The following NAALADL2 variants were observed in gnomAD, a reference collection of about 807,000 sequenced individuals.
The protein encoded by NAALADL2 is inactive N-acetylated-alpha-linked acidic dipeptidase-like protein 2.
Under a neutral mutation model 87.2 loss-of-function variants are expected in NAALADL2, and 76 were observed. That is an observed-to-expected ratio of 0.87 (90% CI 0.72 to 1.05). The LOEUF is 1.05. Ranked by LOEUF, NAALADL2 falls within the 50% of genes least tolerant of loss-of-function variation. The pLI, the probability that NAALADL2 is intolerant of heterozygous loss-of-function variation, is 0.00. For missense variants in NAALADL2, 1,089 were observed against 945.8 expected, an observed-to-expected ratio of 1.15 and a Z score of -1.99; for synonymous variants, 354 against 331.0, an observed-to-expected ratio of 1.07 and a Z score of -0.75.
chr3:174,446,416 T>A (rs1037213705), intron 1 of NAALADL2, among the ~76,000 whole-genome samples: 1 of 152,222 alleles, frequency 6.6e-6, no homozygotes, highest in East Asian at 1.9e-4. Flanking sequence ...AAATTACTCA[T>A]GAAATTCTTT....
At chr3:174,471,869 G>T (rs1716930277) in intron 1 of NAALADL2, among the ~76,000 whole-genome samples, 1 of 152,074 alleles carries the variant, frequency 6.6e-6, no homozygotes, top group Non-Finnish European at 1.5e-5. Context: ...AATGTTACAG[G>T]TTAGTAATTT....
chr3:175,336,145 C>T (rs757593943), intron 5 of NAALADL2, among the ~76,000 whole-genome samples: 8 of 151,980 alleles, frequency 5.3e-5, no homozygotes, highest in African/African-American at 1.5e-4. Flanking sequence ...TTCCACCTTC[C>T]GTTCTCTTTA....
intron 9 of NAALADL2, among the ~76,000 whole-genome samples, chr3:175,564,063 C>G (rs906516480): frequency 7.9e-5 from 12 of 152,116 alleles, no homozygotes; most frequent in African/African-American, 2.9e-4. Flanking sequence ...ATTTAACCTG[C>G]TTGAAATGGT....
chr3:175,085,778 C>T (rs1718773610), intron 1 of NAALADL2, among the ~76,000 whole-genome samples: 1 of 152,052 alleles, frequency 6.6e-6, no homozygotes, highest in African/African-American at 2.4e-5. Flanking sequence ...ATTAGCTGGG[C>T]ATGGTGGCAT....
intron 2 of NAALADL2, among the ~76,000 whole-genome samples, chr3:175,129,226 T>A: frequency 6.6e-6 from 1 of 152,166 alleles, no homozygotes; most frequent in Admixed American, 6.5e-5. Context: ...ATCACAGGCA[T>A]GAGCCACCAC....
chr3:175,244,742 A>G (rs1747635867), intron 3 of NAALADL2, among the ~76,000 whole-genome samples: 2 of 152,172 alleles, frequency 1.3e-5, no homozygotes, highest in South Asian at 4.1e-4. Flanking sequence ...AGGTCTGTGC[A>G]TGGCTTCTCA....
intron 1 of NAALADL2, among the ~76,000 whole-genome samples, chr3:174,945,610 T>C (rs904869803): frequency 4.6e-5 from 7 of 152,156 alleles, no homozygotes; most frequent in African/African-American, 1.4e-4. Context: ...GACTTCAAGA[T>C]TGAATAAATG....
chr3:175,005,401 A>T (rs1748881374), intron 1 of NAALADL2, among the ~76,000 whole-genome samples: 1 of 152,194 alleles, frequency 6.6e-6, no homozygotes. Context: ...ACACTTTATA[A>T]TAACCTATTT....
chr3:174,488,484 G>T (rs537848753), intron 1 of NAALADL2, among the ~76,000 whole-genome samples: 1 of 152,146 alleles, frequency 6.6e-6, no homozygotes, highest in South Asian at 2.1e-4. Flanking sequence ...CTTCTTAGTT[G>T]TAGGCACTGA....
intron 9 of NAALADL2, among the ~76,000 whole-genome samples, chr3:175,507,100 C>T (rs1277845906): frequency 1.3e-5 from 2 of 150,830 alleles, no homozygotes; most frequent in Non-Finnish European, 3.0e-5. Flanking sequence ...TTTTCCTACC[C>T]TTAGGAAAAA....
intron 11 of NAALADL2, among the ~76,000 whole-genome samples, chr3:175,670,347 A>C: frequency 6.7e-6 from 1 of 149,892 alleles, no homozygotes; most frequent in Middle Eastern, 3.5e-3. Flanking sequence ...ACTTAAGTTG[A>C]CTTTCACTTT....
At chr3:174,664,654 G>A (rs1206014514) in intron 2 of NAALADL2, among the ~76,000 whole-genome samples, 1 of 152,194 alleles carries the variant, frequency 6.6e-6, no homozygotes, top group East Asian at 1.9e-4. Flanking sequence ...AGAGTGTTGT[G>A]ATGGGCAATT....
intron 4 of NAALADL2, among the ~76,000 whole-genome samples, chr3:175,296,080 T>A (rs1756331794): frequency 2.9e-5 from 1 of 34,212 alleles, no homozygotes. Context: ...ACTATCTGCC[T>A]GATTAGTGAG....
At chr3:175,656,626 T>C (rs1201727458) in intron 11 of NAALADL2, among the ~76,000 whole-genome samples, 3 of 152,116 alleles carry the variant, frequency 2.0e-5, no homozygotes, top group African/African-American at 7.2e-5. Flanking sequence ...TCTAGAGAAC[T>C]ACTAAGTGGA....
intron 2 of NAALADL2, among the ~76,000 whole-genome samples, chr3:175,201,219 G>C (rs949590262): frequency 3.4e-4 from 52 of 152,224 alleles, no homozygotes; most frequent in Non-Finnish European, 1.5e-4. Context: ...GATCAGATAT[G>C]CTCCGTAACA....
At chr3:174,718,472 G>A (rs981917572) in intron 2 of NAALADL2, among the ~76,000 whole-genome samples, 2 of 152,138 alleles carry the variant, frequency 1.3e-5, no homozygotes, top group African/African-American at 4.8e-5. Context: ...TGACACAGAA[G>A]CTGAGAGTCA....
chr3:174,931,809 C>G lies in NAALADL2; in HGVS notation c.43+72359C>G, dbSNP rs573409375. On this transcript the variant is annotated intron_variant, in intron 1 of 13. Transcript: ENST00000454872. ...GGTATGAAAACCAGGTTGACTAGATCCTATGGTGTGAGGAATTGAGACCTA... is the reference window on the plus strand; with the variant it reads ...GGTATGAAAACCAGGTTGACTAGATGCTATGGTGTGAGGAATTGAGACCTA... Among the ~76,000 whole-genome samples the G allele has an allele frequency of 1.2e-4, 19 of 152,224 alleles. No individual in the cohort carries two copies. The South Asian group carries it at 1.7e-3, about 13-fold the overall frequency.
intron 1 of NAALADL2, among the ~76,000 whole-genome samples, chr3:174,442,571 CATT>C (rs886578724): frequency 3.3e-4 from 50 of 152,200 alleles, no homozygotes; most frequent in African/African-American, 1.2e-3. Context: ...TTACATAAAG[CATT>C]ATTATATTTA....
intron 11 of NAALADL2, among the ~76,000 whole-genome samples, chr3:175,652,714 G>A (rs1245133193): frequency 2.0e-5 from 3 of 152,052 alleles, no homozygotes; most frequent in African/African-American, 7.2e-5. Context: ...TCCTGACCTC[G>A]TGATCCGCCC....
Sources: gnomAD v4.1 joint callset for allele counts (sites outside exome capture counted in the v4.1 genomes callset) on GRCh38, gnomAD v4.1.1 for gene constraint, MANE v1.5 for transcripts, NCBI Gene and HGNC (gene_info 2026-07-23, HGNC 2026-07-21) for gene names.